Variants in TM9SF4 observed in about 807,000 individuals in gnomAD.
TM9SF4 encodes transmembrane 9 superfamily member 4, also known as dinucleotide oxidase disulfide thiol exchanger 3 superfamily member 4.
TM9SF4 carries 26 observed loss-of-function variants against 90.4 expected under a neutral mutation model. That is an observed-to-expected ratio of 0.29 (90% CI 0.21 to 0.40). TM9SF4 has a LOEUF of 0.40. Ranked by LOEUF, TM9SF4 falls within the 10% of genes least tolerant of loss-of-function variation. The pLI, the probability that TM9SF4 is intolerant of heterozygous loss-of-function variation, is 1.00. For synonymous variants in TM9SF4, 293 were observed against 315.4 expected, an observed-to-expected ratio of 0.93 and a Z score of 0.75; for missense variants, 549 against 834.8, an observed-to-expected ratio of 0.66 and a Z score of 4.22.
At chr20:32,123,642 T>C (rs2046368667) in intron 1 of TM9SF4, among the ~76,000 whole-genome samples, 1 of 151,320 alleles carries the variant, frequency 6.6e-6, no homozygotes, top group Admixed American at 6.6e-5. Flanking sequence ...TTCATTTTTT[T>C]CCCTTATACA....
intron 6 of TM9SF4, among the ~76,000 whole-genome samples, chr20:32,144,535 C>G (rs990727554): frequency 2.6e-5 from 4 of 152,164 alleles, no homozygotes; most frequent in African/African-American, 9.7e-5. Context: ...CCGACTCAGG[C>G]CCCTCCCTTC....
chr20:32,118,963 G>A (rs1457374322), intron 1 of TM9SF4, among the ~76,000 whole-genome samples: 1 of 152,146 alleles, frequency 6.6e-6, no homozygotes, highest in Admixed American at 6.5e-5. Context: ...ATCCATGTAT[G>A]TGGAAAAGAG....
intron 16 of TM9SF4, 72 bp downstream of exon 16, chr20:32,160,183 G>T: frequency 6.2e-7 from 1 of 1,603,914 alleles, no homozygotes; most frequent in Non-Finnish European, 8.5e-7. Context: ...ATGAGGCTCT[G>T]CGGAGAGGCT....
chr20:32,134,694 A>G (rs891596377), intron 2 of TM9SF4, among the ~76,000 whole-genome samples: 14 of 149,404 alleles, frequency 9.4e-5, no homozygotes, highest in Admixed American at 3.3e-4. Flanking sequence ...TTTTTGTGAG[A>G]TGGAATCTTG....
At chr20:32,134,426 G>T (rs2046565987) in intron 2 of TM9SF4, among the ~76,000 whole-genome samples, 1 of 152,114 alleles carries the variant, frequency 6.6e-6, no homozygotes, top group Admixed American at 6.5e-5. Context: ...GTTTAATAGA[G>T]GTCCTTAATC....
In TM9SF4 at chr20:32,142,875, TAGGA is replaced by T. The variant is rs982492342; in HGVS notation, c.529-103_529-100del. 12 of 1,460,330 alleles carry T rather than the reference TAGGA, an allele frequency of 8.2e-6. No individual in the cohort carries two copies. In the Admixed American group the frequency reaches 1.1e-4, roughly 13 times the overall value. The allele number at this position is 1,460,330 out of a possible 1,614,324, so 90.5% of individuals were successfully genotyped here. A position where few individuals can be genotyped will look rare whatever the true frequency, so the allele number is the denominator to read the frequency against. Reference sequence around the variant, plus strand: ...TAGGGGAGTGATGAGAACAGTGTTTTAGGAAGGTTGGTACAACCAGGCATGCTGG... The same window carrying T: ...TAGGGGAGTGATGAGAACAGTGTTTTAGGTTGGTACAACCAGGCATGCTGG... On this transcript the variant is annotated intron_variant, in intron 5 of 17. Coordinates refer to ENST00000398022, the MANE Select transcript of TM9SF4 (RefSeq NM_014742.4).
rs567876074 is a variant in TM9SF4, at chr20:32,133,354, G to A, written c.129+228G>A. Among the ~76,000 whole-genome samples the A allele has an allele frequency of 3.3e-5, 5 of 152,050 alleles. No individual in the cohort carries two copies. In the South Asian group the frequency reaches 1.0e-3, roughly 32 times the overall value. On this transcript the variant is annotated intron_variant, in intron 2 of 17. Coordinates refer to ENST00000398022, the MANE Select transcript of TM9SF4 (RefSeq NM_014742.4). ...GTATGCTTGTGTATATTTGCATCTC[G>A]GTCTCTTTCTCACTCTCACTTTTGC...
chr20:32,113,092 G>T (rs1427872913), intron 1 of TM9SF4, among the ~76,000 whole-genome samples: 1 of 152,136 alleles, frequency 6.6e-6, no homozygotes, highest in Non-Finnish European at 1.5e-5. Context: ...GAGTGTATGG[G>T]TCTCTGAGGT....
intron 1 of TM9SF4, among the ~76,000 whole-genome samples, chr20:32,126,929 T>A (rs2046431554): frequency 6.6e-6 from 1 of 152,078 alleles, no homozygotes; most frequent in Non-Finnish European, 1.5e-5. Context: ...GAGACGGGGT[T>A]CACCATGTTA....
chr20:32,114,054 C>T (rs898752688), intron 1 of TM9SF4, among the ~76,000 whole-genome samples: 13 of 152,180 alleles, frequency 8.5e-5, no homozygotes, highest in African/African-American at 2.4e-4. Context: ...TATCACTCAT[C>T]AGTTGATGGA....
chr20:32,139,587 A>G (rs936263198), intron 3 of TM9SF4, among the ~76,000 whole-genome samples: 4 of 152,194 alleles, frequency 2.6e-5, no homozygotes, highest in African/African-American at 7.2e-5. Context: ...AGTTCCTTGC[A>G]TCCTCTGTTT....
intron 16 of TM9SF4, chr20:32,161,073 T>A (rs1348585480): frequency 1.5e-5 from 8 of 520,628 alleles, no homozygotes; most frequent in Non-Finnish European, 2.7e-5. Flanking sequence ...ACTGTAAAGT[T>A]CACCCTTCTT....
At chr20:32,111,055 T>C (rs1397142820) in intron 1 of TM9SF4, among the ~76,000 whole-genome samples, 2 of 152,206 alleles carry the variant, frequency 1.3e-5, no homozygotes, top group East Asian at 3.8e-4. Flanking sequence ...AACAGGGATA[T>C]ATTATTGACT....
intron 1 of TM9SF4, 103 bp downstream of exon 1, chr20:32,109,858 C>A: frequency 6.5e-7 from 1 of 1,542,132 alleles, no homozygotes; most frequent in Non-Finnish European, 8.7e-7. Context: ...CCTCCGGGAC[C>A]CCTGACTCAG....
At chr20:32,115,077 T>C (rs1009421234) in intron 1 of TM9SF4, among the ~76,000 whole-genome samples, 2 of 152,210 alleles carry the variant, frequency 1.3e-5, no homozygotes, top group South Asian at 2.1e-4. Flanking sequence ...GTTGGTTGTA[T>C]TGTCTGTCTG....
intron 5 of TM9SF4, 70 bp from the exon 6 acceptor site, chr20:32,142,912 A>C: frequency 1.3e-6 from 2 of 1,575,158 alleles, no homozygotes; most frequent in Non-Finnish European, 1.7e-6. Context: ...TGGGTGAGGC[A>C]AGGGCCCTAA....
chr20:32,115,294 C>G (rs2046202783), intron 1 of TM9SF4, among the ~76,000 whole-genome samples: 1 of 152,208 alleles, frequency 6.6e-6, no homozygotes, highest in African/African-American at 2.4e-5. Flanking sequence ...GGACAAACGT[C>G]TCCCTTTGAT....
At chr20:32,146,667 A>T in intron 8 of TM9SF4, 118 bp from the exon 9 acceptor site, 1 of 961,470 alleles carries the variant, frequency 1.0e-6, no homozygotes. Context: ...CCAGTTCATA[A>T]TGGAGCAAGC....
At chr20:32,121,702 T>C (rs1297874252) in intron 1 of TM9SF4, among the ~76,000 whole-genome samples, 4 of 152,128 alleles carry the variant, frequency 2.6e-5, no homozygotes, top group Non-Finnish European at 5.9e-5. Flanking sequence ...TGGCCCGCTC[T>C]CAATGAGCTG....
Sources: allele counts gnomAD v4.1 joint callset (sites outside exome capture counted in the v4.1 genomes callset), GRCh38; gene constraint gnomAD v4.1.1; transcripts MANE v1.5; gene names NCBI Gene and HGNC (gene_info 2026-07-23, HGNC 2026-07-21).